The following MAFK variants were observed in gnomAD, a reference collection of about 807,000 sequenced individuals.
MAFK encodes the protein MAF bZIP transcription factor K.
A neutral mutation model predicts 9.2 loss-of-function variants in MAFK; 1 was observed. The observed-to-expected ratio is 0.11, with a 90% confidence interval of 0.04 to 0.52. The LOEUF (loss-of-function observed/expected upper bound fraction) is 0.52. MAFK is among the 20% of genes least tolerant of loss of function. MAFK has a pLI of 0.94. For synonymous variants in MAFK, 110 were observed against 107.4 expected, an observed-to-expected ratio of 1.02 and a Z score of -0.15; for missense variants, 207 against 236.0, an observed-to-expected ratio of 0.88 and a Z score of 0.81.
chr7:1,538,403 C>G (rs1429284584), intron 1 of MAFK: 1 of 972,750 alleles, frequency 1.0e-6, no homozygotes, highest in Non-Finnish European at 1.2e-6. Context: ...GGTCCTCGCT[C>G]GGGGGCAGCT....
Position 1,540,695 on chromosome 7 carries a change from G to A in MAFK, c.*320G>A. 2 of 333,502 alleles carry A rather than the reference G, an allele frequency of 6.0e-6. No homozygotes were observed. The highest frequency in any genetic ancestry group is 4.3e-5 in the South Asian group (1 of 23,376). The allele number at this position is 333,502 out of a possible 1,614,324, so 20.7% of individuals were successfully genotyped here. A position where few individuals can be genotyped will look rare whatever the true frequency, so the allele number is the denominator to read the frequency against. On this transcript the variant is annotated 3_prime_UTR_variant, in exon 3 of 3. Coordinates refer to ENST00000343242, the MANE Select transcript of MAFK (RefSeq NM_002360.4). Reference sequence around the variant, plus strand: ...AATGGAAAGGCCCTCGGGAAGTTCCGCGTCCTCTGTGGGGGCTGCCGGAAG... The same window carrying A: ...AATGGAAAGGCCCTCGGGAAGTTCCACGTCCTCTGTGGGGGCTGCCGGAAG...
Position 1,534,297 on chromosome 7 carries a change from T to C in MAFK, c.-45+3399T>C, listed in dbSNP as rs1783974076. ...GACCAGCTGGGCTGCAATTAGTCGG[T>C]TGACACCTGTTTGACAGGCACCCAC... On this transcript the variant is annotated intron_variant, in intron 1 of 2. Coordinates refer to ENST00000343242, the MANE Select transcript of MAFK (RefSeq NM_002360.4). This position sits in a 1 kb window ranked among gnomAD's most constrained non-coding sequence, Gnocchi z 4.3. 2.2e-6 allele frequency: 1 copy of C among 455,750 alleles called. No homozygotes were observed. Among genetic ancestry groups the C allele is most frequent in the South Asian group, 1.5e-5 (1 of 64,552 alleles). 28.2% of individuals were successfully genotyped at this position (455,750 alleles called of 1,614,324 possible). A position where few individuals can be genotyped will look rare whatever the true frequency, so the allele number is the denominator to read the frequency against.
At position 1,540,841 on chromosome 7, in the gene MAFK, C is replaced by G. The variant is rs903317145; in HGVS notation, c.*466C>G. ...GGCCTCCCAGCCGGTGCGGGAGCCC[C>G]TCACTGCCCTGACCGACTCCGCAGT... On this transcript the variant is annotated 3_prime_UTR_variant, in exon 3 of 3. Transcript: ENST00000343242. 5.8e-6 allele frequency: 1 copy of G among 172,772 alleles called. No homozygotes were observed. The highest frequency in any genetic ancestry group is 5.8e-5 in the Admixed American group (1 of 17,098). 10.7% of individuals were successfully genotyped at this position (172,772 alleles called of 1,614,324 possible).
rs1783930056 is a variant in MAFK, at chr7:1,532,614, G to A, written c.-45+1716G>A. 6.6e-6 allele frequency among the ~76,000 whole-genome samples: 1 copy of A among 152,212 alleles called. No individual in the cohort carries two copies. The highest frequency in any genetic ancestry group is 1.5e-5 in the Non-Finnish European group (1 of 68,036). On this transcript the variant is annotated intron_variant, in intron 1 of 2. Transcript: ENST00000343242. This position sits in a 1 kb window ranked among gnomAD's most constrained non-coding sequence, Gnocchi z 4.5. Reference sequence around the variant, plus strand: ...GTTTACCGAGGGTCAGGGTTGTCGGGGCGCCAGCCTTTGTGTGCACCCGGG... The same window carrying A: ...GTTTACCGAGGGTCAGGGTTGTCGGAGCGCCAGCCTTTGTGTGCACCCGGG...
In MAFK at chr7:1,533,773, G is replaced by A. The variant is rs7793954; in HGVS notation, c.-45+2875G>A. ...AAGAGAGAGGGGCAGGGGCAACTCC[G>A]GTGAATGATGCGGTTGGGGGCTGGG... On this transcript the variant is annotated intron_variant, in intron 1 of 2. Coordinates refer to ENST00000343242, the MANE Select transcript of MAFK (RefSeq NM_002360.4). Among the ~76,000 whole-genome samples the A allele has an allele frequency of 4.0e-3, 611 of 152,078 alleles. 3 individuals carry two copies. Among genetic ancestry groups the A allele is most frequent in the African/African-American group, 0.014 (567 of 41,490 alleles).
rs1186203734 is a variant in MAFK, at chr7:1,539,936, C to T, written c.37-5C>T. Reference sequence around the variant, plus strand: ...CGCCGCTGACCCCGCACTGTGGCCCCCCAGGTCAAGAAGGAGGCGGGCGAG... The same window carrying T: ...CGCCGCTGACCCCGCACTGTGGCCCTCCAGGTCAAGAAGGAGGCGGGCGAG... On this transcript the variant is annotated splice_polypyrimidine_tract_variant and splice_region_variant and intron_variant, in intron 2 of 2. Coordinates refer to ENST00000343242, the MANE Select transcript of MAFK (RefSeq NM_002360.4). 1 of 1,520,314 alleles carries T rather than the reference C, an allele frequency of 6.6e-7. No homozygotes were observed. Among genetic ancestry groups the T allele is most frequent in the Admixed American group, 2.0e-5 (1 of 48,916 alleles). The allele number at this position is 1,520,314 out of a possible 1,614,324, so 94.2% of individuals were successfully genotyped here.
rs556773911 is a variant in MAFK at position 1,541,060 on chromosome 7, G to C, written c.*685G>C. On this transcript the variant is annotated 3_prime_UTR_variant, in exon 3 of 3. Transcript: ENST00000343242. ...AAAGCAGCAGGGCTGAGGGGGTGCA[G>C]CTTGCTGGTGTTCACTGGGGGAGGG... 1 of 153,394 alleles carries C rather than the reference G, an allele frequency of 6.5e-6. No individual in the cohort carries two copies. Among genetic ancestry groups the C allele is most frequent in the South Asian group, 2.1e-4 (1 of 4,840 alleles). The allele number at this position is 153,394 out of a possible 1,614,324, so 9.5% of individuals were successfully genotyped here.
At position 1,540,196 on chromosome 7, in the gene MAFK, A is replaced by G; in HGVS notation, c.292A>G (p.Ser98Gly). 1 of 1,588,580 alleles carries G rather than the reference A, an allele frequency of 6.3e-7. No homozygotes were observed. Among genetic ancestry groups the G allele is most frequent in the Non-Finnish European group, 8.6e-7 (1 of 1,168,376 alleles). ...QEVEKLAREN[S>G]SMRLELDALR... ...GGTGGAGAAGCTGGCGCGTGAGAAC[A>G]GCAGCATGCGGCTGGAGCTGGACGC... The change falls in exon 3 of 3, where the codon AGC becomes GGC. Residue 98 changes from serine (S) to glycine (G), a missense_variant. By Grantham distance (56) the Ser-to-Gly change is moderately conservative. Coordinates refer to ENST00000343242, the MANE Select transcript of MAFK (RefSeq NM_002360.4).
intron 1 of MAFK, chr7:1,538,198 T>G: frequency 2.3e-6 from 2 of 888,562 alleles, no homozygotes; most frequent in Non-Finnish European, 2.7e-6. Context: ...CGGGGATGCT[T>G]TGGCTGGGTT....
At chr7:1,535,874 A>G (rs1163830077) in intron 1 of MAFK, among the ~76,000 whole-genome samples, 1 of 152,174 alleles carries the variant, frequency 6.6e-6, no homozygotes, top group Non-Finnish European at 1.5e-5. Context: ...GGATCCTGGA[A>G]AGGGGCGCCC....
chr7:1,537,344 T>C, intron 1 of MAFK: 1 of 981,638 alleles, frequency 1.0e-6, no homozygotes, highest in Non-Finnish European at 1.2e-6. Context: ...TGCGCGCGGC[T>C]CTGTAAACAT....
intron 1 of MAFK, chr7:1,538,253 C>T (rs1177494198): frequency 2.0e-6 from 2 of 984,952 alleles, no homozygotes; most frequent in Admixed American, 6.1e-5. Flanking sequence ...GACGTGAGGA[C>T]GGCGGGGGCG....
intron 2 of MAFK, among the ~76,000 whole-genome samples, chr7:1,539,524 C>T (rs543692428): frequency 0.045 from 3,182 of 70,000 alleles, 106 homozygotes; most frequent in African/African-American, 0.28. Flanking sequence ...TGGCTCCAGG[C>T]GTGGGCAGCG....
rs1369625631 is a variant in MAFK at position 1,532,149 on chromosome 7, T to A, written c.-45+1251T>A. ...ATTCTCCAGGGTGGGCTGCCAGGTC[T>A]CTTTACTGGCACTGAGGTTTCACCG... is the stretch of plus-strand genomic sequence containing the variant. On this transcript the variant is annotated intron_variant, in intron 1 of 2. Coordinates refer to ENST00000343242, the MANE Select transcript of MAFK (RefSeq NM_002360.4). The surrounding 1 kb of genome is among the most constrained non-coding windows in gnomAD (Gnocchi z 4.5). Among the ~76,000 whole-genome samples, 2 of 152,192 alleles carry A rather than the reference T, an allele frequency of 1.3e-5. No individual in the cohort carries two copies. Among genetic ancestry groups the A allele is most frequent in the Admixed American group, 1.3e-4 (2 of 15,290 alleles).
chr7:1,536,444 G>A (rs768760406), intron 1 of MAFK, among the ~76,000 whole-genome samples: 7 of 152,200 alleles, frequency 4.6e-5, no homozygotes, highest in East Asian at 1.9e-4. Flanking sequence ...GTGCACGGGC[G>A]TCTCTGCGAC....
chr7:1,531,085 G>A (rs1783893324), intron 1 of MAFK, among the ~76,000 whole-genome samples, 187 bp downstream of exon 1: 1 of 147,984 alleles, frequency 6.8e-6, no homozygotes, highest in Admixed American at 6.7e-5. Flanking sequence ...GCCCAGGTGG[G>A]CCCCGCCCCG....
Position 1,534,635 on chromosome 7 carries a change from G to A in MAFK, c.-45+3737G>A. The A allele has an allele frequency of 2.2e-6, 1 of 456,052 alleles. No individual in the cohort carries two copies. Among genetic ancestry groups the A allele is most frequent in the African/African-American group, 2.0e-5 (1 of 50,170 alleles). 28.3% of individuals were successfully genotyped at this position (456,052 alleles called of 1,614,324 possible). ...ACCCGCGGAGAATAGAAGTGGAAGG[G>A]CCACTCCGTCTTGGTCAGACTGGCT... is the stretch of plus-strand genomic sequence containing the variant. On this transcript the variant is annotated intron_variant, in intron 1 of 2. Transcript: ENST00000343242. This position sits in a 1 kb window ranked among gnomAD's most constrained non-coding sequence, Gnocchi z 4.3.
chr7:1,536,058 G>A (rs960287709), intron 1 of MAFK, among the ~76,000 whole-genome samples: 1 of 152,216 alleles, frequency 6.6e-6, no homozygotes, highest in Non-Finnish European at 1.5e-5. Flanking sequence ...TCTTCCATCC[G>A]AAAACCAGTT....
At position 1,540,105 on chromosome 7, in the gene MAFK, C is replaced by T; in HGVS notation, c.201C>T (p.Ser67=). Residue 67 remains serine (S), a synonymous_variant, in exon 3 of 3, where the codon AGC becomes AGT. Coordinates refer to ENST00000343242, the MANE Select transcript of MAFK (RefSeq NM_002360.4). ...RTLKNRGYAA[S]CRIKRVTQKE... is the part of the protein sequence containing the mutation. ...TCAAGAACCGCGGCTACGCGGCCAGCTGCCGCATCAAGCGGGTGACGCAGA... is the reference window on the plus strand; with the variant it reads ...TCAAGAACCGCGGCTACGCGGCCAGTTGCCGCATCAAGCGGGTGACGCAGA... The T allele has an allele frequency of 6.4e-7, 1 of 1,569,694 alleles. No individual in the cohort carries two copies. Among genetic ancestry groups the T allele is most frequent in the Non-Finnish European group, 8.6e-7 (1 of 1,157,396 alleles).
Sources: gnomAD v4.1 joint callset for allele counts (sites outside exome capture counted in the v4.1 genomes callset) on GRCh38, gnomAD v4.1.1 for gene constraint, Gnocchi (gnomAD v3.1) non-coding constraint, MANE v1.5 for transcripts, NCBI Gene and HGNC (gene_info 2026-07-23, HGNC 2026-07-21) for gene names.